ZMYM2: variants seen among roughly 807,000 people sequenced by gnomAD.
ZMYM2 encodes the protein zinc finger MYM-type protein 2.
A neutral mutation model predicts 162.8 loss-of-function variants in ZMYM2; 56 were observed. The ratio of observed to expected loss-of-function variants is 0.34; its 90% confidence interval spans 0.28 to 0.43. The LOEUF is 0.43. Among genes scored for constraint, ZMYM2 ranks in the 20% least tolerant of loss-of-function variants. The pLI is 1.00. For synonymous variants in ZMYM2, 510 were observed against 541.6 expected (o/e 0.94, Z 0.81); for missense variants, 1,275 against 1,621.8 (o/e 0.79, Z 3.67).
chr13:20,057,561 G>T (rs1298770891), intron 14 of ZMYM2, among the ~76,000 whole-genome samples: 1 of 152,206 alleles, frequency 6.6e-6, no homozygotes, highest in Non-Finnish European at 1.5e-5. Flanking sequence ...TACAATATGT[G>T]TGGAGTACTG....
chr13:19,993,550 T>A lies in ZMYM2; in HGVS notation c.478T>A (p.Phe160Ile). Reference sequence around the variant, plus strand: ...TGATGTGGATTTCTCCACTTCCAGTTTTTCAAGAAGTAAGGTAAATGCAGG... The same window carrying A: ...TGATGTGGATTTCTCCACTTCCAGTATTTCAAGAAGTAAGGTAAATGCAGG... ...TNDVDFSTSS[F>I]SRSKVNAGMG... Residue 160 changes from phenylalanine (F) to isoleucine (I), a missense_variant, in exon 3 of 25, where the codon TTT becomes ATT. Phe to Ile is a conservative substitution (Grantham distance 21, BLOSUM62 0). Transcript: ENST00000610343. 1 of 1,613,946 alleles carries A rather than the reference T, an allele frequency of 6.2e-7. No homozygotes were observed. Among genetic ancestry groups the A allele is most frequent in the Non-Finnish European group, 8.5e-7 (1 of 1,179,944 alleles).
At chr13:20,030,693 T>G (rs374274555) in intron 9 of ZMYM2, among the ~76,000 whole-genome samples, 2 of 152,086 alleles carry the variant, frequency 1.3e-5, no homozygotes, top group South Asian at 2.1e-4. Flanking sequence ...CCACCACGCC[T>G]GGCCTAATTT....
At chr13:19,901,221 G>T in the ZMYM2 span, among the ~76,000 whole-genome samples, 2 of 151,976 alleles carry the variant, frequency 1.3e-5, no homozygotes, top group Non-Finnish European at 2.9e-5. Context: ...ATGAACTTTG[G>T]GTAGACACAA....
At chr13:19,911,571 CACTG>C in the ZMYM2 span, among the ~76,000 whole-genome samples, 1 of 152,156 alleles carries the variant, frequency 6.6e-6, no homozygotes. Context: ...GTTTACTGGA[CACTG>C]ACTGTCAAAT....
the ZMYM2 span, among the ~76,000 whole-genome samples, chr13:19,914,049 TAGAAGG>T: frequency 1.7e-3 from 266 of 152,294 alleles, no homozygotes; most frequent in Non-Finnish European, 3.1e-3. Flanking sequence ...TTCATTTTGT[TAGAAGG>T]AGAAATGGCC....
the ZMYM2 span, among the ~76,000 whole-genome samples, chr13:19,870,550 T>TCTTC: frequency 0.035 from 4,035 of 114,790 alleles, 275 homozygotes; most frequent in African/African-American, 0.13. Context: ...TTTCTTTCTT[T>TCTTC]CTTCCTTCCT....
At chr13:19,893,833 A>T in the ZMYM2 span, among the ~76,000 whole-genome samples, 8 of 151,688 alleles carry the variant, frequency 5.3e-5, no homozygotes, top group Non-Finnish European at 8.8e-5. Context: ...ATAAAAATAT[A>T]TCTTTTTTAA....
Position 20,073,699 on chromosome 13 carries a change from G to A in ZMYM2, c.3453+6309G>A, listed in dbSNP as rs577926638. 6.6e-5 allele frequency among the ~76,000 whole-genome samples: 10 copies of A among 152,218 alleles called. No homozygotes were observed. In the South Asian group the frequency reaches 2.1e-3, roughly 32 times the overall value. ...TTGACTTAAGGAAAATGCTATCACA[G>A]GAAGTTGAATCTCTGGATTGCCTTT... On this transcript the variant is annotated intron_variant, in intron 21 of 24. Transcript: ENST00000610343.
At chr13:20,085,697 CAG>C in intron 24 of ZMYM2, 123 bp from the exon 25 acceptor site, 1 of 649,276 alleles carries the variant, frequency 1.5e-6, no homozygotes, top group Non-Finnish European at 2.5e-6. Context: ...ATAATGGAGA[CAG>C]TGGGGCATAG....
chr13:20,037,213 ATTT>A lies in ZMYM2; in HGVS notation c.2292+326_2292+328del, dbSNP rs754909177. 6.6e-3 allele frequency among the ~76,000 whole-genome samples: 600 copies of A among 90,348 alleles called. 4 individuals are homozygous for A. Among genetic ancestry groups the A allele is most frequent in the African/African-American group, 0.027 (564 of 20,806 alleles). 59.3% of individuals were successfully genotyped at this position (90,348 alleles called of 152,430 possible). ...TTGTGTCTTTATTTCACTAAGTAGA[ATTT>A]TTTTTTTTTTTTTTTTTTTTTGAGA... On this transcript the variant is annotated intron_variant, in intron 12 of 24. Coordinates refer to ENST00000610343, the MANE Select transcript of ZMYM2 (RefSeq NM_197968.4).
intron 3 of ZMYM2, among the ~76,000 whole-genome samples, chr13:20,001,756 G>A (rs557166597): frequency 4.6e-5 from 7 of 152,200 alleles, no homozygotes; most frequent in Non-Finnish European, 7.3e-5. Context: ...CCACCATCGT[G>A]ATCAGTCAGC....
At chr13:19,902,539 C>A in the ZMYM2 span, among the ~76,000 whole-genome samples, 1 of 152,002 alleles carries the variant, frequency 6.6e-6, no homozygotes, top group African/African-American at 2.4e-5. Flanking sequence ...TTGCTTGAAC[C>A]CGGGAGGCAG....
At chr13:19,946,899 T>C in the ZMYM2 span, among the ~76,000 whole-genome samples, 1 of 152,196 alleles carries the variant, frequency 6.6e-6, no homozygotes, top group Admixed American at 6.5e-5. Flanking sequence ...TTATATCCCA[T>C]CAAGTAATTA....
intron 6 of ZMYM2, among the ~76,000 whole-genome samples, chr13:20,011,423 T>A (rs910930515): frequency 6.6e-6 from 1 of 152,226 alleles, no homozygotes; most frequent in Non-Finnish European, 1.5e-5. Flanking sequence ...TGTTGGTAAT[T>A]GAAAAGTTTT....
At chr13:19,992,942 C>A in intron 2 of ZMYM2, 121 bp from the exon 3 acceptor site, 1 of 1,120,048 alleles carries the variant, frequency 8.9e-7, no homozygotes, top group Non-Finnish European at 1.2e-6. Flanking sequence ...GAATGTTAGA[C>A]AAGAATCACT....
chr13:19,885,972 CAT>C, the ZMYM2 span, among the ~76,000 whole-genome samples: 222 of 96,880 alleles, frequency 2.3e-3, 89 homozygotes, highest in Non-Finnish European at 3.8e-3. Context: ...TGTGTATACA[CAT>C]ATATATGTAT....
chr13:19,996,225 T>C (rs1428912443), intron 3 of ZMYM2, among the ~76,000 whole-genome samples: 1 of 152,202 alleles, frequency 6.6e-6, no homozygotes, highest in East Asian at 1.9e-4. Flanking sequence ...TTGCTAGTTA[T>C]TTTTCTTATT....
intron 10 of ZMYM2, among the ~76,000 whole-genome samples, chr13:20,032,595 C>CTTTTTTTTTTTTTTTTTTTTTTTTTTTT (rs1566350627): frequency 1.0e-5 from 1 of 96,380 alleles, no homozygotes. Context: ...GATTTTTTTT[C>CTTTTTTTTTTTTTTTTTTTTTTTTTTTT]TGTCTTTTTT....
chr13:20,041,074 A>G (rs1489235350), intron 12 of ZMYM2, among the ~76,000 whole-genome samples: 1 of 152,118 alleles, frequency 6.6e-6, no homozygotes, highest in African/African-American at 2.4e-5. Flanking sequence ...AAGAATGTAT[A>G]TTCTGTTGTT....
Sources: gnomAD v4.1 joint callset for allele counts (sites outside exome capture counted in the v4.1 genomes callset) on GRCh38, gnomAD v4.1.1 for gene constraint, MANE v1.5 for transcripts, NCBI Gene and HGNC (gene_info 2026-07-23, HGNC 2026-07-21) for gene names.